Variants in ZNF804B observed in about 807,000 individuals in gnomAD.
The protein encoded by ZNF804B is zinc finger protein 804B, also known as zinc finger 804B.
ZNF804B carries 80 observed loss-of-function variants against 101.4 expected under a neutral mutation model. The observed-to-expected ratio is 0.79, with a 90% CI of 0.66 to 0.95. The LOEUF (loss-of-function observed/expected upper bound fraction) is 0.95, where lower values mean the gene tolerates loss of function less well. Ranked by LOEUF, ZNF804B falls within the 40% of genes least tolerant of loss-of-function variation. The pLI, the probability that ZNF804B is intolerant of heterozygous loss-of-function variation, is 0.00. For synonymous variants in ZNF804B, 622 were observed against 558.8 expected (o/e 1.11, Z -1.59); for missense variants, 1,673 against 1,561.9 (o/e 1.07, Z -1.20).
At chr7:89,038,150 TC>T (rs1200464859) in intron 1 of ZNF804B, among the ~76,000 whole-genome samples, 1 of 152,190 alleles carries the variant, frequency 6.6e-6, no homozygotes, top group African/African-American at 2.4e-5. Flanking sequence ...GGTGCAGGTA[TC>T]CCCTTGATAT....
At chr7:89,055,235 A>C (rs933964250) in intron 1 of ZNF804B, among the ~76,000 whole-genome samples, 7 of 152,130 alleles carry the variant, frequency 4.6e-5, no homozygotes, top group Non-Finnish European at 1.0e-4. Context: ...GAGGAGGCTT[A>C]TGTGACTGGA....
chr7:88,803,210 A>T (rs1249707881), intron 1 of ZNF804B, among the ~76,000 whole-genome samples: 1 of 152,090 alleles, frequency 6.6e-6, no homozygotes, highest in East Asian at 1.9e-4. Flanking sequence ...GAATGATGAT[A>T]CATGTGTTGC....
intron 1 of ZNF804B, among the ~76,000 whole-genome samples, chr7:89,014,549 C>T (rs1788512436): frequency 6.6e-6 from 1 of 152,174 alleles, no homozygotes; most frequent in African/African-American, 2.4e-5. Flanking sequence ...ATCTCCTGAC[C>T]TTGTGATCCA....
chr7:89,151,479 A>G (rs1790875188), intron 1 of ZNF804B, among the ~76,000 whole-genome samples: 1 of 152,114 alleles, frequency 6.6e-6, no homozygotes, highest in African/African-American at 2.4e-5. Context: ...CTTAATCATC[A>G]ACGTAGAATT....
chr7:89,286,286 A>C (rs534870689), intron 2 of ZNF804B, among the ~76,000 whole-genome samples: 1 of 152,250 alleles, frequency 6.6e-6, no homozygotes, highest in South Asian at 2.1e-4. Flanking sequence ...TCTCAAAAGA[A>C]AAGAAGAAGA....
intron 1 of ZNF804B, among the ~76,000 whole-genome samples, chr7:88,947,784 A>G (rs1793159206): frequency 6.6e-6 from 1 of 151,908 alleles, no homozygotes; most frequent in Admixed American, 6.6e-5. Flanking sequence ...CTAAAATCCC[A>G]AACAATTCTG....
At chr7:89,246,941 G>C (rs999957522) in intron 2 of ZNF804B, among the ~76,000 whole-genome samples, 12 of 152,070 alleles carry the variant, frequency 7.9e-5, no homozygotes, top group Non-Finnish European at 1.5e-4. Flanking sequence ...CAGGAATTCA[G>C]ACCACCTGCT....
chr7:88,759,872 C>A lies in ZNF804B; in HGVS notation c.-105C>A. The A allele has an allele frequency of 1.1e-6, 1 of 897,572 alleles. No individual in the cohort carries two copies. The allele number at this position is 897,572 out of a possible 1,614,324, so 55.6% of individuals were successfully genotyped here. A position where few individuals can be genotyped will look rare whatever the true frequency, so the allele number is the denominator to read the frequency against. On this transcript the variant is annotated 5_prime_UTR_variant, in exon 1 of 4. Coordinates refer to ENST00000333190, the MANE Select transcript of ZNF804B (RefSeq NM_181646.5). ...TCCCCCTGCGTCCTGCTGGCCGCGT[C>A]TTCTCGGGAGGTGGTAGTCGCTGTT...
rs148929987 is a variant in ZNF804B, at chr7:89,115,044, G to T, written c.109-103111G>T. ...AAGAAACTTAACTAGAAGTCAGCTGGCCAAGGAATGTGGAAAACATAGTTA... is the reference window on the plus strand; with the variant it reads ...AAGAAACTTAACTAGAAGTCAGCTGTCCAAGGAATGTGGAAAACATAGTTA... On this transcript the variant is annotated intron_variant, in intron 1 of 3. Coordinates refer to ENST00000333190, the MANE Select transcript of ZNF804B (RefSeq NM_181646.5). Among the ~76,000 whole-genome samples the T allele has an allele frequency of 9.8e-3, 1,489 of 152,094 alleles. 22 individuals are homozygous for T. The highest frequency in any genetic ancestry group is 0.033 in the African/African-American group (1,377 of 41,468).
chr7:89,101,729 T>A (rs1790058097), intron 1 of ZNF804B, among the ~76,000 whole-genome samples: 2 of 151,966 alleles, frequency 1.3e-5, no homozygotes, highest in South Asian at 4.1e-4. Context: ...TGTTTTAGAT[T>A]CGGGGATACA....
chr7:89,052,005 C>T (rs1367051445), intron 1 of ZNF804B, among the ~76,000 whole-genome samples: 1 of 152,104 alleles, frequency 6.6e-6, no homozygotes, highest in Non-Finnish European at 1.5e-5. Flanking sequence ...TTTGGGATAT[C>T]TTTCATTTTA....
intron 1 of ZNF804B, among the ~76,000 whole-genome samples, chr7:88,876,023 T>G (rs1791933289): frequency 6.6e-6 from 1 of 152,276 alleles, no homozygotes; most frequent in East Asian, 1.9e-4. Flanking sequence ...AATCAATAAA[T>G]GTAATCCAGC....
At chr7:89,331,975 C>G (rs1790991287) in intron 3 of ZNF804B, among the ~76,000 whole-genome samples, 1 of 151,142 alleles carries the variant, frequency 6.6e-6, no homozygotes, top group Admixed American at 6.6e-5. Flanking sequence ...TAACTATGTT[C>G]TATTAAAATG....
At chr7:89,245,827 G>A (rs1283057090) in intron 2 of ZNF804B, among the ~76,000 whole-genome samples, 1 of 152,172 alleles carries the variant, frequency 6.6e-6, no homozygotes, top group African/African-American at 2.4e-5. Flanking sequence ...TGTTAAAAGT[G>A]AGTGAAACCC....
chr7:89,092,242 C>T (rs1562882441), intron 1 of ZNF804B, among the ~76,000 whole-genome samples: 1 of 151,636 alleles, frequency 6.6e-6, no homozygotes, highest in Non-Finnish European at 1.5e-5. Flanking sequence ...GTGGGCTCTA[C>T]CTTCATTACT....
At chr7:89,000,495 C>A (rs556390680) in intron 1 of ZNF804B, among the ~76,000 whole-genome samples, 3 of 151,962 alleles carry the variant, frequency 2.0e-5, no homozygotes, top group Middle Eastern at 3.4e-3. Flanking sequence ...GTAAGGTATA[C>A]AAGGTGATGA....
intron 1 of ZNF804B, among the ~76,000 whole-genome samples, chr7:89,113,820 A>G (rs2189063): frequency 0.81 from 122,681 of 151,836 alleles, 50,075 homozygotes; most frequent in African/African-American, 0.93. Flanking sequence ...ACATGGTGGC[A>G]TGCCTGTAAT....
At chr7:88,984,928 A>C (rs1054969236) in intron 1 of ZNF804B, among the ~76,000 whole-genome samples, 1 of 152,140 alleles carries the variant, frequency 6.6e-6, no homozygotes, top group Admixed American at 6.6e-5. Flanking sequence ...CCTTGGACTT[A>C]CCTTACACTA....
At chr7:88,898,716 G>A (rs1233107399) in intron 1 of ZNF804B, among the ~76,000 whole-genome samples, 1 of 152,030 alleles carries the variant, frequency 6.6e-6, no homozygotes, top group South Asian at 2.1e-4. Flanking sequence ...ATTTACTTTT[G>A]CTTTCAAATG....
Sources: gnomAD v4.1 joint callset for allele counts (sites outside exome capture counted in the v4.1 genomes callset) on GRCh38, gnomAD v4.1.1 for gene constraint, MANE v1.5 for transcripts, NCBI Gene and HGNC (gene_info 2026-07-23, HGNC 2026-07-21) for gene names.